The following RNGTT variants were observed in gnomAD, a reference collection of about 807,000 sequenced individuals.
RNGTT encodes RNA guanylyltransferase and 5'-phosphatase.
A neutral mutation model predicts 79.3 loss-of-function variants in RNGTT; 33 were observed. The observed-to-expected ratio is 0.42, with a 90% CI of 0.32 to 0.56. RNGTT has a LOEUF of 0.56. Ranked by LOEUF, RNGTT falls within the 20% of genes least tolerant of loss-of-function variation. The pLI, the probability that RNGTT is intolerant of heterozygous loss-of-function variation, is 0.17. For synonymous variants in RNGTT, 222 were observed against 235.9 expected (o/e 0.94, Z 0.54); for missense variants, 497 against 739.1 (o/e 0.67, Z 3.80).
chr6:88,677,302 A>G (rs1281652255), intron 14 of RNGTT, among the ~76,000 whole-genome samples: 4 of 149,658 alleles, frequency 2.7e-5, no homozygotes, highest in African/African-American at 5.0e-5. Context: ...AAAAAAAAAA[A>G]GGAAGGGCAG....
At chr6:88,828,691 A>G (rs534120291) in intron 11 of RNGTT, among the ~76,000 whole-genome samples, 4 of 152,166 alleles carry the variant, frequency 2.6e-5, no homozygotes, top group Non-Finnish European at 4.4e-5. Flanking sequence ...TAGAGAACAT[A>G]CATGACCTGA....
chr6:88,771,225 T>C (rs1359624726), intron 12 of RNGTT, among the ~76,000 whole-genome samples: 1 of 149,836 alleles, frequency 6.7e-6, no homozygotes, highest in Non-Finnish European at 1.5e-5. Flanking sequence ...TTTTATGGTT[T>C]CAGCTGTTAT....
At chr6:88,652,509 C>A (rs1001043526) in intron 14 of RNGTT, among the ~76,000 whole-genome samples, 2 of 152,114 alleles carry the variant, frequency 1.3e-5, no homozygotes, top group African/African-American at 2.4e-5. Flanking sequence ...CTCCAATCCA[C>A]ACACCACAAC....
chr6:88,671,746 T>A (rs1278561148), intron 14 of RNGTT, among the ~76,000 whole-genome samples: 1 of 152,104 alleles, frequency 6.6e-6, no homozygotes, highest in Non-Finnish European at 1.5e-5. Context: ...GGTCCTGGTA[T>A]AAAAACAGGC....
intron 4 of RNGTT, among the ~76,000 whole-genome samples, chr6:88,907,598 G>A (rs564651523): frequency 6.6e-6 from 1 of 152,182 alleles, no homozygotes; most frequent in South Asian, 2.1e-4. Context: ...ATCTTTATGT[G>A]AGAAGAGACG....
At chr6:88,648,228 T>C (rs751135524) in intron 14 of RNGTT, among the ~76,000 whole-genome samples, 1 of 152,154 alleles carries the variant, frequency 6.6e-6, no homozygotes, top group African/African-American at 2.4e-5. Flanking sequence ...TTATCATCCA[T>C]GGCAATGACC....
chr6:88,707,001 G>T (rs1171439831), intron 13 of RNGTT, among the ~76,000 whole-genome samples: 1 of 152,134 alleles, frequency 6.6e-6, no homozygotes, highest in South Asian at 2.1e-4. Context: ...AGAGGAAGAA[G>T]GTGATGAATT....
intron 7 of RNGTT, among the ~76,000 whole-genome samples, chr6:88,891,591 G>T (rs773097894): frequency 1.3e-4 from 20 of 151,946 alleles, no homozygotes; most frequent in Admixed American, 3.3e-4. Context: ...GTGAAAACAA[G>T]AATTTTCTAT....
chr6:88,890,693 T>C (rs897873078), intron 7 of RNGTT, 97 bp from the exon 8 acceptor site: 2 of 705,164 alleles, frequency 2.8e-6, no homozygotes, highest in African/African-American at 3.7e-5. Context: ...TTTATCACAA[T>C]GTTCTCCCTA....
At chr6:88,684,835 A>G (rs575794245) in intron 13 of RNGTT, among the ~76,000 whole-genome samples, 5 of 152,272 alleles carry the variant, frequency 3.3e-5, no homozygotes, top group African/African-American at 9.6e-5. Flanking sequence ...TAGCACTCTG[A>G]TGCAGAGTAC....
chr6:88,859,607 AG>A (rs1477860446), intron 8 of RNGTT, among the ~76,000 whole-genome samples: 1 of 152,186 alleles, frequency 6.6e-6, no homozygotes, highest in African/African-American at 2.4e-5. Flanking sequence ...CAAACCACTA[AG>A]GGAATAAAGT....
intron 12 of RNGTT, among the ~76,000 whole-genome samples, chr6:88,770,835 T>C (rs1160698666): frequency 6.6e-6 from 1 of 152,230 alleles, no homozygotes. Context: ...ATCATTTTAA[T>C]TGGCATTTCT....
At chr6:88,873,907 T>C (rs1047903526) in intron 8 of RNGTT, among the ~76,000 whole-genome samples, 1 of 152,154 alleles carries the variant, frequency 6.6e-6, no homozygotes, top group Non-Finnish European at 1.5e-5. Context: ...CTTGACCTAA[T>C]TAAGAGAATT....
chr6:88,665,008 G>T (rs1774344677), intron 14 of RNGTT, among the ~76,000 whole-genome samples: 1 of 152,176 alleles, frequency 6.6e-6, no homozygotes, highest in Non-Finnish European at 1.5e-5. Flanking sequence ...TGATTCACCA[G>T]TTCCTGTACA....
chr6:88,813,906 T>C (rs1000382879), intron 11 of RNGTT, among the ~76,000 whole-genome samples: 18 of 152,316 alleles, frequency 1.2e-4, no homozygotes, highest in Non-Finnish European at 2.6e-4. Context: ...TTCATTGTAT[T>C]TTCAACATCT....
chr6:88,895,663 C>T (rs750342067), intron 6 of RNGTT, among the ~76,000 whole-genome samples: 6 of 152,270 alleles, frequency 3.9e-5, no homozygotes, highest in Middle Eastern at 3.4e-3. Flanking sequence ...ATAAAATAGT[C>T]ACTCTTAGAT....
At chr6:88,760,086 A>C (rs1303317966) in intron 13 of RNGTT, among the ~76,000 whole-genome samples, 1 of 152,206 alleles carries the variant, frequency 6.6e-6, no homozygotes, top group Non-Finnish European at 1.5e-5. Flanking sequence ...TCAAATTATA[A>C]AACAAAGGTG....
At chr6:88,672,660 T>C (rs1381922032) in intron 14 of RNGTT, among the ~76,000 whole-genome samples, 3 of 152,102 alleles carry the variant, frequency 2.0e-5, no homozygotes, top group Non-Finnish European at 2.9e-5. Context: ...ACTAAAGAAC[T>C]TATCTATGTA....
At chr6:88,630,494 T>C (rs1772817006) in intron 14 of RNGTT, among the ~76,000 whole-genome samples, 1 of 152,208 alleles carries the variant, frequency 6.6e-6, no homozygotes, top group African/African-American at 2.4e-5. Context: ...TCCTCTTCTG[T>C]AAGCTCCGTG....
Sources: allele counts gnomAD v4.1 joint callset (sites outside exome capture counted in the v4.1 genomes callset), GRCh38; gene constraint gnomAD v4.1.1; transcripts MANE v1.5; gene names NCBI Gene and HGNC (gene_info 2026-07-23, HGNC 2026-07-21).